Variants in FGGY observed in about 807,000 individuals in gnomAD.
FGGY encodes the protein FGGY carbohydrate kinase domain containing.
Under a neutral mutation model 71.3 loss-of-function variants are expected in FGGY, and 72 were observed. The ratio of observed to expected loss-of-function variants is 1.01; its 90% CI spans 0.84 to 1.23. The LOEUF (loss-of-function observed/expected upper bound fraction) is 1.23, where lower values mean the gene tolerates loss of function less well. Among genes scored for constraint, FGGY ranks in the 50% most tolerant of loss-of-function variants. The probability of loss-of-function intolerance (pLI) is 0.00; values close to 1 mark genes in which losing one functional copy is unlikely to be tolerated. For synonymous variants in FGGY, 251 were observed against 250.3 expected (o/e 1.00, Z -0.02); for missense variants, 668 against 682.3 (o/e 0.98, Z 0.23).
chr1:59,701,583 GCAT>G (rs1252971086), intron 14 of FGGY, among the ~76,000 whole-genome samples: 1 of 152,162 alleles, frequency 6.6e-6, no homozygotes, highest in East Asian at 1.9e-4. Context: ...CCATAAAATA[GCAT>G]CATACAGTGT....
At chr1:59,489,340 G>A (rs2093754594) in intron 6 of FGGY, among the ~76,000 whole-genome samples, 1 of 151,992 alleles carries the variant, frequency 6.6e-6, no homozygotes, top group African/African-American at 2.4e-5. Context: ...CTGTAATTTT[G>A]TGTTTTTTAA....
intron 11 of FGGY, among the ~76,000 whole-genome samples, chr1:59,654,420 C>T (rs2097199299): frequency 6.6e-6 from 1 of 152,154 alleles, no homozygotes; most frequent in African/African-American, 2.4e-5. Flanking sequence ...CAGTGAATTC[C>T]CCTGAGCCTT....
At chr1:59,319,772 G>A (rs181946687) in intron 1 of FGGY, among the ~76,000 whole-genome samples, 2 of 152,272 alleles carry the variant, frequency 1.3e-5, no homozygotes, top group Admixed American at 1.3e-4. Context: ...GAGGGAGCCT[G>A]TGGAGGGTGT....
chr1:59,586,922 G>T (rs553720746), intron 8 of FGGY, among the ~76,000 whole-genome samples: 54 of 152,154 alleles, frequency 3.5e-4, no homozygotes, highest in Admixed American at 3.5e-3. Flanking sequence ...CATCTCACTA[G>T]GGAGTGCCAG....
At chr1:59,687,632 A>ATT (rs555098197) in intron 14 of FGGY, among the ~76,000 whole-genome samples, 1 of 133,796 alleles carries the variant, frequency 7.5e-6, no homozygotes. Context: ...ACACCTGGCT[A>ATT]TTTTTTTTTT....
chr1:59,378,316 T>C (rs2058925523), intron 4 of FGGY, among the ~76,000 whole-genome samples: 2 of 152,072 alleles, frequency 1.3e-5, no homozygotes, highest in Non-Finnish European at 2.9e-5. Context: ...CAAGATCTGA[T>C]GGTTTTATAA....
intron 14 of FGGY, among the ~76,000 whole-genome samples, chr1:59,757,413 G>A (rs1409201601): frequency 6.6e-6 from 1 of 152,210 alleles, no homozygotes; most frequent in Non-Finnish European, 1.5e-5. Context: ...GGAGGTCTCA[G>A]TATGTACTCA....
intron 9 of FGGY, among the ~76,000 whole-genome samples, chr1:59,623,041 C>G (rs1350602119): frequency 6.6e-6 from 1 of 152,100 alleles, no homozygotes; most frequent in Non-Finnish European, 1.5e-5. Context: ...TTTGAAAGAG[C>G]TCAGAGTATA....
At chr1:59,441,091 C>A (rs1046276406) in intron 5 of FGGY, among the ~76,000 whole-genome samples, 7 of 152,062 alleles carry the variant, frequency 4.6e-5, no homozygotes, top group Non-Finnish European at 8.8e-5. Flanking sequence ...TATATATGTA[C>A]CCACATTTAA....
At chr1:59,588,994 T>G (rs896121853) in intron 8 of FGGY, among the ~76,000 whole-genome samples, 1 of 152,154 alleles carries the variant, frequency 6.6e-6, no homozygotes, top group African/African-American at 2.4e-5. Flanking sequence ...CACAGTCTGG[T>G]AAATTGGATA....
intron 8 of FGGY, among the ~76,000 whole-genome samples, chr1:59,580,601 G>A (rs760496884): frequency 1.3e-5 from 2 of 152,050 alleles, no homozygotes; most frequent in African/African-American, 2.4e-5. Context: ...GTTCTTTCTT[G>A]ATTTTAAGGC....
chr1:59,363,057 C>T (rs529051838), intron 4 of FGGY, among the ~76,000 whole-genome samples: 3 of 152,238 alleles, frequency 2.0e-5, no homozygotes, highest in East Asian at 1.9e-4. Context: ...AAGAGACAGA[C>T]CCACACGTAA....
At chr1:59,606,640 A>G (rs1387104071) in intron 8 of FGGY, among the ~76,000 whole-genome samples, 1 of 152,206 alleles carries the variant, frequency 6.6e-6, no homozygotes, top group Non-Finnish European at 1.5e-5. Context: ...AATTTCATCA[A>G]ATCATGCTGA....
rs766997422 is a variant in FGGY at position 59,638,302 on chromosome 1, C to T, written c.1148C>T (p.Thr383Ile). ...AAGGCTCAGCCTGTGGGTTTCCTTA[C>T]TGTTGATTTACATGTTTGGCCAGAT... ...IKKAQPVGFL[T>I]VDLHVWPDFH... Residue 383 changes from threonine to isoleucine, a missense_variant, in exon 11 of 16, where the codon ACT becomes ATT. Thr to Ile is a moderately conservative substitution (Grantham distance 89). Coordinates refer to ENST00000303721, the MANE Select transcript of FGGY (RefSeq NM_018291.5). The T allele has an allele frequency of 5.0e-6, 8 of 1,614,078 alleles. No individual in the cohort carries two copies. The South Asian group carries it at 8.8e-5, about 18-fold the overall frequency.
chr1:59,693,626 A>C (rs2097617027), intron 14 of FGGY, among the ~76,000 whole-genome samples: 1 of 152,048 alleles, frequency 6.6e-6, no homozygotes, highest in Non-Finnish European at 1.5e-5. Context: ...TGGTAATGGT[A>C]GTGGTGGTGG....
At chr1:59,651,896 G>T (rs1226402488) in intron 11 of FGGY, among the ~76,000 whole-genome samples, 1 of 152,040 alleles carries the variant, frequency 6.6e-6, no homozygotes, top group East Asian at 1.9e-4. Context: ...GGTACCGATT[G>T]TTCCTTTCCA....
rs74086289 is a variant in FGGY, at chr1:59,660,493, C to T, written c.1296+200C>T. The T allele has an allele frequency of 1.6e-3, 643 of 409,548 alleles. 4 individuals carry two copies. Among genetic ancestry groups the T allele is most frequent in the African/African-American group, 0.012 (584 of 48,994 alleles). The allele number at this position is 409,548 out of a possible 1,614,324, so 25.4% of individuals were successfully genotyped here. On this transcript the variant is annotated intron_variant, in intron 12 of 15. Transcript: ENST00000303721. ...TGCTTTAACTAATAACCTCACATAA[C>T]AAAAAGCTGAAAGGAGTTAAAATCT...
intron 5 of FGGY, among the ~76,000 whole-genome samples, chr1:59,396,637 A>G (rs2061358352): frequency 6.6e-6 from 1 of 152,172 alleles, no homozygotes; most frequent in Non-Finnish European, 1.5e-5. Context: ...TACAAATGGT[A>G]GAAAAAAGGG....
chr1:59,418,934 G>T (rs1447002609), intron 5 of FGGY, among the ~76,000 whole-genome samples: 4 of 152,136 alleles, frequency 2.6e-5, no homozygotes, highest in Non-Finnish European at 5.9e-5. Context: ...ACAGGCCAGG[G>T]TTTCCTAGGG....
Sources: allele counts gnomAD v4.1 joint callset (sites outside exome capture counted in the v4.1 genomes callset), GRCh38; gene constraint gnomAD v4.1.1; transcripts MANE v1.5; gene names NCBI Gene and HGNC (gene_info 2026-07-23, HGNC 2026-07-21).